ZMIZ1: variants seen among roughly 807,000 people sequenced by gnomAD.
ZMIZ1 encodes the protein zinc finger MIZ domain-containing protein 1.
In ZMIZ1, 17 loss-of-function variants were observed where a neutral mutation model predicts 113.9. The observed-to-expected ratio is 0.15, with a 90% CI of 0.10 to 0.22. ZMIZ1 has a LOEUF of 0.22. Ranked by LOEUF, ZMIZ1 falls within the 10% of genes least tolerant of loss-of-function variation. ZMIZ1 has a pLI of 1.00. For synonymous variants in ZMIZ1, 607 were observed against 603.1 expected (o/e 1.01, Z -0.09); for missense variants, 1,059 against 1,477.8 (o/e 0.72, Z 4.65).
chr10:79,160,330 G>C (rs912499574), intron 3 of ZMIZ1, among the ~76,000 whole-genome samples: 1 of 152,238 alleles, frequency 6.6e-6, no homozygotes, highest in East Asian at 1.9e-4. Context: ...GGCTGGGGTG[G>C]GGACACTGGG....
chr10:79,177,128 G>A (rs374597656), intron 4 of ZMIZ1, among the ~76,000 whole-genome samples: 3 of 152,230 alleles, frequency 2.0e-5, no homozygotes, highest in South Asian at 2.1e-4. Flanking sequence ...TGCTCACAGC[G>A]CCTGGCAGGG....
intron 8 of ZMIZ1, among the ~76,000 whole-genome samples, chr10:79,282,918 T>C (rs547701456): frequency 6.6e-6 from 1 of 152,328 alleles, no homozygotes; most frequent in African/African-American, 2.4e-5. Flanking sequence ...CCAGGACCAG[T>C]GCCTGGGCAA....
intron 2 of ZMIZ1, among the ~76,000 whole-genome samples, chr10:79,123,491 A>G (rs930299612): frequency 2.0e-5 from 3 of 152,158 alleles, no homozygotes; most frequent in African/African-American, 7.2e-5. Context: ...TGGAGGTGGC[A>G]GTAGCGGGAG....
At chr10:79,199,246 A>G (rs996638633) in intron 4 of ZMIZ1, among the ~76,000 whole-genome samples, 9 of 151,528 alleles carry the variant, frequency 5.9e-5, no homozygotes, top group Non-Finnish European at 1.5e-5. Context: ...GGTGGCTCAC[A>G]CCTGTAATCT....
chr10:79,148,787 T>G (rs1845596657), intron 3 of ZMIZ1, among the ~76,000 whole-genome samples: 1 of 152,188 alleles, frequency 6.6e-6, no homozygotes, highest in African/African-American at 2.4e-5. Context: ...GGTCCTGGCC[T>G]CCCACCAGGC....
intron 20 of ZMIZ1, 62 bp from the exon 21 acceptor site, chr10:79,305,471 G>T: frequency 6.4e-7 from 1 of 1,572,314 alleles, no homozygotes; most frequent in Non-Finnish European, 8.8e-7. Flanking sequence ...GAGGTGGATG[G>T]GCTTTGCCCC....
chr10:79,248,424 C>A (rs566397031), intron 7 of ZMIZ1, among the ~76,000 whole-genome samples: 1 of 152,122 alleles, frequency 6.6e-6, no homozygotes, highest in African/African-American at 2.4e-5. Flanking sequence ...TGCTGCAACA[C>A]CTTCAGGGCA....
At chr10:79,189,342 G>C (rs948667944) in intron 4 of ZMIZ1, among the ~76,000 whole-genome samples, 1 of 152,138 alleles carries the variant, frequency 6.6e-6, no homozygotes, top group Non-Finnish European at 1.5e-5. Flanking sequence ...TGTCACGCAG[G>C]CACCCAAGTC....
intron 2 of ZMIZ1, among the ~76,000 whole-genome samples, chr10:79,130,179 TC>T (rs1844694302): frequency 6.6e-6 from 1 of 152,188 alleles, no homozygotes; most frequent in Non-Finnish European, 1.5e-5. Flanking sequence ...TGCTTCTGAA[TC>T]CCTGAGCCCT....
chr10:79,192,006 CCTT>C (rs1392231481), intron 4 of ZMIZ1, among the ~76,000 whole-genome samples: 4 of 152,208 alleles, frequency 2.6e-5, no homozygotes, highest in Non-Finnish European at 4.4e-5. Context: ...GGTGTGGCCT[CCTT>C]GGGAATGAGA....
Position 79,291,179 on chromosome 10 carries a change from G to A in ZMIZ1, c.758+3G>A. 1 of 1,606,638 alleles carries A rather than the reference G, an allele frequency of 6.2e-7. No individual in the cohort carries two copies. The highest frequency in any genetic ancestry group is 8.5e-7 in the Non-Finnish European group (1 of 1,175,416). ...GGCAGCGGGGGCTTTGGGGCCAGGT[G>A]AGCAGGGCTGACCTGTGGCAGAAGC... is the stretch of plus-strand genomic sequence containing the variant. On this transcript the variant is annotated splice_donor_region_variant and intron_variant, in intron 10 of 24. Transcript: ENST00000334512.
In ZMIZ1 at chr10:79,291,053, A is replaced by C; in HGVS notation, c.635A>C (p.Asn212Thr). Reference protein sequence around the residue: ...SGMTTSNPGLNSPQFAGQQQQ... With the variant: ...SGMTTSNPGLTSPQFAGQQQQ... Reference sequence around the variant, plus strand: ...ATGACCACCAGCAACCCAGGCCTCAACTCCCCACAGTTTGCGGGGCAGCAG... The same window carrying C: ...ATGACCACCAGCAACCCAGGCCTCACCTCCCCACAGTTTGCGGGGCAGCAG... The change falls in exon 10 of 25, where the codon AAC becomes ACC. Residue 212 changes from asparagine to threonine, a missense_variant. This residue lies in a region of ZMIZ1 where 272 missense variants were observed against 350.4 expected (regional missense o/e 0.78). Transcript: ENST00000334512. 1 of 1,614,134 alleles carries C rather than the reference A, an allele frequency of 6.2e-7. No individual in the cohort carries two copies.
chr10:79,108,293 G>T (rs555314714), intron 1 of ZMIZ1, among the ~76,000 whole-genome samples: 1 of 152,318 alleles, frequency 6.6e-6, no homozygotes, highest in African/African-American at 2.4e-5. Flanking sequence ...AGTGAGGCTG[G>T]GAGAAGGGGT....
intron 8 of ZMIZ1, among the ~76,000 whole-genome samples, chr10:79,286,013 C>G (rs918331767): frequency 6.6e-6 from 1 of 152,152 alleles, no homozygotes; most frequent in Admixed American, 6.5e-5. Context: ...GTGGGTGGAG[C>G]AGGATTGTTG....
chr10:79,194,084 A>T (rs1799291853), intron 4 of ZMIZ1, among the ~76,000 whole-genome samples: 1 of 152,200 alleles, frequency 6.6e-6, no homozygotes, highest in African/African-American at 2.4e-5. Context: ...CGCGGGCTGT[A>T]GGCAGAGCTG....
At chr10:79,126,121 G>T (rs146420287) in intron 2 of ZMIZ1, among the ~76,000 whole-genome samples, 1 of 152,152 alleles carries the variant, frequency 6.6e-6, no homozygotes, top group Non-Finnish European at 1.5e-5. Flanking sequence ...TGAGAGGTTC[G>T]CCACCACAAG....
chr10:79,188,167 G>A (rs1160066499), intron 4 of ZMIZ1, among the ~76,000 whole-genome samples: 1 of 152,234 alleles, frequency 6.6e-6, no homozygotes, highest in Non-Finnish European at 1.5e-5. Context: ...GAATGGAGAT[G>A]TCAGTGTGAC....
At chr10:79,312,241 C>T (rs773479848) in intron 24 of ZMIZ1, among the ~76,000 whole-genome samples, 1 of 152,220 alleles carries the variant, frequency 6.6e-6, no homozygotes, top group Admixed American at 6.5e-5. Flanking sequence ...AGGAACCACT[C>T]GCCTTCCCGC....
chr10:79,312,483 C>T (rs1290671078), intron 24 of ZMIZ1, among the ~76,000 whole-genome samples, 159 bp from the exon 25 acceptor site: 1 of 152,250 alleles, frequency 6.6e-6, no homozygotes, highest in African/African-American at 2.4e-5. Context: ...GTGGGGATAC[C>T]TGGCAGGCCC....
Sources: gnomAD v4.1 joint callset for allele counts (sites outside exome capture counted in the v4.1 genomes callset) on GRCh38, gnomAD v4.1.1 for gene constraint, gnomAD v4.1.1 regional missense constraint, MANE v1.5 for transcripts, NCBI Gene and HGNC (gene_info 2026-07-23, HGNC 2026-07-21) for gene names.